The following EDARADD variants were observed in gnomAD, a reference collection of about 807,000 sequenced individuals.
The protein encoded by EDARADD is EDAR associated via death domain.
EDARADD carries 20 observed loss-of-function variants against 25.6 expected under a neutral mutation model. The ratio of observed to expected loss-of-function variants is 0.78; its 90% confidence interval spans 0.55 to 1.14. The LOEUF is 1.14. EDARADD is among the 50% of genes most tolerant of loss of function. The probability of loss-of-function intolerance (pLI) is 0.00; values close to 1 mark genes in which losing one functional copy is unlikely to be tolerated. For synonymous variants in EDARADD, 86 were observed against 94.4 expected (o/e 0.91, Z 0.52); for missense variants, 225 against 270.1 (o/e 0.83, Z 1.17).
intron 1 of EDARADD, among the ~76,000 whole-genome samples, chr1:236,400,894 C>T (rs1388444284): frequency 6.6e-6 from 1 of 151,820 alleles, no homozygotes; most frequent in Non-Finnish European, 1.5e-5. Context: ...ATGACAATAG[C>T]AGTCAAAAGA....
At chr1:236,477,073 AAATT>A (rs1475239618) in intron 5 of EDARADD, among the ~76,000 whole-genome samples, 2 of 151,980 alleles carry the variant, frequency 1.3e-5, no homozygotes, top group African/African-American at 2.4e-5. Context: ...AAAAAAGAAA[AAATT>A]AATCACCTGC....
chr1:236,388,398 C>T (rs1305223901), intron 3 of EDARADD, among the ~76,000 whole-genome samples: 1 of 152,056 alleles, frequency 6.6e-6, no homozygotes, highest in Non-Finnish European at 1.5e-5. Flanking sequence ...ATGAATTTTG[C>T]AATCAGTTTT....
rs780077696 is a variant in EDARADD, at chr1:236,405,822, TTTCCTTCCTTCCTTCC to T, written c.62-3354_62-3339del. On this transcript the variant is annotated intron_variant, in intron 1 of 5. Transcript: ENST00000334232. ...TTTCTTTCTTTCTTTCCTTCCTTCC[TTTCCTTCCTTCCTTCC>T]TTCCTTCCTTCCTTCCTTCCTTCCT... is the stretch of plus-strand genomic sequence containing the variant. Among the ~76,000 whole-genome samples the T allele has an allele frequency of 3.8e-4, 21 of 55,470 alleles. 1 individual carries two copies. The highest frequency in any genetic ancestry group is 8.2e-3 in the Middle Eastern group (1 of 122). 36.4% of individuals were successfully genotyped at this position (55,470 alleles called of 152,430 possible). A position where few individuals can be genotyped will look rare whatever the true frequency, so the allele number is the denominator to read the frequency against.
Position 236,455,088 on chromosome 1 carries a change from T to C in EDARADD, c.220-13143T>C, listed in dbSNP as rs1658821117. Among the ~76,000 whole-genome samples, 3 of 152,126 alleles carry C rather than the reference T, an allele frequency of 2.0e-5. No individual in the cohort carries two copies. The South Asian group carries it at 6.2e-4, about 32-fold the overall frequency. ...AGCTGGGCGTGGTGGCGGGCGCCTG[T>C]AGTCCCAGCTACTTGGGAGGCTGAA... On this transcript the variant is annotated intron_variant, in intron 4 of 5. Transcript: ENST00000334232.
intron 4 of EDARADD, among the ~76,000 whole-genome samples, chr1:236,464,450 T>TA (rs1659132897): frequency 7.3e-6 from 1 of 136,074 alleles, no homozygotes; most frequent in Admixed American, 7.2e-5. Flanking sequence ...TTTTTTTTTT[T>TA]GAGACAGAAT....
intron 3 of EDARADD, among the ~76,000 whole-genome samples, chr1:236,383,130 C>T (rs1326587621): frequency 6.6e-6 from 1 of 152,104 alleles, no homozygotes; most frequent in Non-Finnish European, 1.5e-5. Context: ...CGCAGTGGCT[C>T]ACACCTGTAA....
intron 3 of EDARADD, among the ~76,000 whole-genome samples, chr1:236,414,670 G>A (rs1040586595): frequency 5.9e-5 from 9 of 151,970 alleles, no homozygotes; most frequent in African/African-American, 9.7e-5. Context: ...GCGGTGGCTC[G>A]CACCTGTAAT....
At position 236,399,499 on chromosome 1, in the gene EDARADD, A is replaced by G. The variant is rs1423394307; in HGVS notation, c.61+4994A>G. On this transcript the variant is annotated intron_variant, in intron 1 of 5. Coordinates refer to ENST00000334232, the MANE Select transcript of EDARADD (RefSeq NM_145861.4). ...ACCACGCCCTGGCCACACCCTGGCC[A>G]TGAGTTAATTTTAAGTGACTTTTTA... is the stretch of plus-strand genomic sequence containing the variant. Among the ~76,000 whole-genome samples the G allele has an allele frequency of 3.3e-5, 5 of 152,192 alleles. No individual in the cohort carries two copies. In the East Asian group the frequency reaches 7.7e-4, roughly 23 times the overall value.
chr1:236,363,534 T>C (rs1572109896), intron 3 of EDARADD, among the ~76,000 whole-genome samples: 1 of 151,484 alleles, frequency 6.6e-6, no homozygotes, highest in African/African-American at 2.4e-5. Flanking sequence ...CTGGACAACA[T>C]AGCAAGACTC....
At chr1:236,460,842 A>G (rs924412100) in intron 4 of EDARADD, among the ~76,000 whole-genome samples, 1 of 150,226 alleles carries the variant, frequency 6.7e-6, no homozygotes, top group African/African-American at 2.5e-5. Flanking sequence ...TATTTTTTTG[A>G]GACGTAGTCT....
At chr1:236,477,466 C>T (rs570158647) in intron 5 of EDARADD, among the ~76,000 whole-genome samples, 49 of 151,998 alleles carry the variant, frequency 3.2e-4, no homozygotes, top group Non-Finnish European at 5.6e-4. Flanking sequence ...AGGTGTTGCG[C>T]GGAAATAAGA....
Position 236,484,065 on chromosome 1 carries a change from T to G in EDARADD, c.*1416T>G. The G allele has an allele frequency of 1.3e-6, 2 of 1,576,634 alleles. No individual in the cohort carries two copies. The highest frequency in any genetic ancestry group is 8.7e-7 in the Non-Finnish European group (1 of 1,147,406). On this transcript the variant is annotated 3_prime_UTR_variant, in exon 6 of 6. Coordinates refer to ENST00000334232, the MANE Select transcript of EDARADD (RefSeq NM_145861.4). The surrounding 1 kb of genome is among the most constrained non-coding windows in gnomAD (Gnocchi z 4.1). ...TGAAGATCCCTTTGACCAGGATGAC[T>G]GGGGAGCTTGGCAGAAGTTCACGGC... is the stretch of plus-strand genomic sequence containing the variant.
rs201741326 is a variant in EDARADD at position 236,447,708 on chromosome 1, ATTAG to A, written c.219+20264_219+20267del. Among the ~76,000 whole-genome samples the A allele has an allele frequency of 2.7e-3, 416 of 152,108 alleles. 1 individual carries two copies. The highest frequency in any genetic ancestry group is 9.5e-3 in the African/African-American group (396 of 41,566). ...TTTGAAAAAAACATGGAAAGTGCCT[ATTAG>A]TTAGTGGCCCAAAGAAAACAGATTT... is the stretch of plus-strand genomic sequence containing the variant. On this transcript the variant is annotated intron_variant, in intron 4 of 5. Coordinates refer to ENST00000334232, the MANE Select transcript of EDARADD (RefSeq NM_145861.4).
At chr1:236,426,824 G>A (rs1227977905) in intron 3 of EDARADD, among the ~76,000 whole-genome samples, 3 of 152,194 alleles carry the variant, frequency 2.0e-5, no homozygotes, top group Non-Finnish European at 4.4e-5. Flanking sequence ...GAGCCTAGGA[G>A]TTCCAAGTTA....
intron 3 of EDARADD, among the ~76,000 whole-genome samples, chr1:236,376,610 G>T (rs1326515737): frequency 5.9e-5 from 9 of 152,010 alleles, no homozygotes; most frequent in Admixed American, 5.9e-4. Flanking sequence ...CTCTGTATTT[G>T]ATTTCCTACA....
intron 3 of EDARADD, among the ~76,000 whole-genome samples, chr1:236,377,917 T>TA (rs752118653): frequency 7.2e-5 from 11 of 152,116 alleles, no homozygotes; most frequent in Non-Finnish European, 1.5e-4. Flanking sequence ...TAGTATGTCT[T>TA]ATAATTTTTT....
chr1:236,455,401 A>C (rs998686585), intron 4 of EDARADD, among the ~76,000 whole-genome samples: 2 of 152,136 alleles, frequency 1.3e-5, no homozygotes, highest in African/African-American at 4.8e-5. Context: ...ACAGGCCCCT[A>C]CCTGCTTCTC....
At chr1:236,371,116 C>A (rs913031088) in intron 3 of EDARADD, among the ~76,000 whole-genome samples, 1 of 152,168 alleles carries the variant, frequency 6.6e-6, no homozygotes, top group East Asian at 1.9e-4. Flanking sequence ...ATAGTACCCC[C>A]CAAGAAACAT....
intron 3 of EDARADD, among the ~76,000 whole-genome samples, chr1:236,415,945 G>T (rs1351436240): frequency 2.6e-5 from 4 of 152,192 alleles, no homozygotes; most frequent in African/African-American, 9.6e-5. Flanking sequence ...ACGCACTAAC[G>T]TGAGTCTCCC....
Sources: allele counts gnomAD v4.1 joint callset (sites outside exome capture counted in the v4.1 genomes callset), GRCh38; gene constraint gnomAD v4.1.1; non-coding constraint Gnocchi (gnomAD v3.1); transcripts MANE v1.5; gene names NCBI Gene and HGNC (gene_info 2026-07-23, HGNC 2026-07-21).